RTF2: variants seen among roughly 807,000 people sequenced by gnomAD.
RTF2 encodes the protein UPF0549 protein C20orf43.
A neutral mutation model predicts 38.0 loss-of-function variants in RTF2; 18 were observed. The observed-to-expected ratio is 0.47, with a 90% CI of 0.33 to 0.70. The LOEUF (loss-of-function observed/expected upper bound fraction) is 0.70, where lower values mean the gene tolerates loss of function less well. Among genes scored for constraint, RTF2 ranks in the 30% least tolerant of loss-of-function variants. The pLI is 0.02. For missense variants in RTF2, 311 were observed against 379.6 expected (o/e 0.82, Z 1.50); for synonymous variants, 126 against 137.1 (o/e 0.92, Z 0.57).
intron 1 of RTF2, among the ~76,000 whole-genome samples, chr20:56,470,448 C>T (rs116704310): frequency 0.015 from 2,309 of 152,166 alleles, 72 homozygotes; most frequent in African/African-American, 0.053. Context: ...TGTTGTAGGC[C>T]CCAGGGATAT....
At chr20:56,474,903 T>C in intron 3 of RTF2, 132 bp downstream of exon 3, 1 of 549,080 alleles carries the variant, frequency 1.8e-6, no homozygotes, top group East Asian at 2.9e-5. Context: ...CTAATACAGG[T>C]ATGATCTTGA....
intron 5 of RTF2, among the ~76,000 whole-genome samples, chr20:56,491,239 G>A (rs1031320937): frequency 1.2e-4 from 18 of 152,168 alleles, no homozygotes; most frequent in Non-Finnish European, 2.4e-4. Flanking sequence ...AGGCTGTGTC[G>A]TTCTTATTCC....
In RTF2 at chr20:56,490,758, G is replaced by A. The variant is rs182552832; in HGVS notation, c.477+6569G>A. On this transcript the variant is annotated intron_variant, in intron 5 of 8. Coordinates refer to ENST00000357348, the MANE Select transcript of RTF2 (RefSeq NM_016407.5). ...CTTGAACCTGGGAGGCAGAGATTGCGGTGAGCCGAGATCGTGCCATTGCAC... is the reference window on the plus strand; with the variant it reads ...CTTGAACCTGGGAGGCAGAGATTGCAGTGAGCCGAGATCGTGCCATTGCAC... 2.9e-3 allele frequency among the ~76,000 whole-genome samples: 439 copies of A among 152,310 alleles called. 3 individuals carry two copies. Among genetic ancestry groups the A allele is most frequent in the Non-Finnish European group, 5.5e-3 (373 of 68,016 alleles).
At chr20:56,497,238 A>C in intron 5 of RTF2, 1 of 1,551,952 alleles carries the variant, frequency 6.4e-7, no homozygotes, top group South Asian at 1.2e-5. Flanking sequence ...AAGCTGCACA[A>C]ACATGGCCAG....
intron 3 of RTF2, 31 bp downstream of exon 3, chr20:56,474,802 G>T: frequency 7.3e-7 from 1 of 1,362,076 alleles, no homozygotes; most frequent in Non-Finnish European, 1.0e-6. Flanking sequence ...GTGCTGTGAG[G>T]GTCTGAACAG....
intron 5 of RTF2, among the ~76,000 whole-genome samples, chr20:56,508,129 C>T (rs1984402209): frequency 6.6e-6 from 1 of 152,124 alleles, no homozygotes; most frequent in African/African-American, 2.4e-5. Context: ...CGAAAATTTA[C>T]CAGACCCACC....
intron 6 of RTF2, 51 bp from the exon 7 acceptor site, chr20:56,516,884 G>A (rs1985075933): frequency 6.4e-7 from 1 of 1,565,132 alleles, no homozygotes; most frequent in East Asian, 2.2e-5. Context: ...CACTGACGCT[G>A]AAGTGGAGTG....
At chr20:56,512,549 G>A (rs1331965475) in intron 5 of RTF2, among the ~76,000 whole-genome samples, 1 of 152,164 alleles carries the variant, frequency 6.6e-6, no homozygotes, top group African/African-American at 2.4e-5. Context: ...GTATGTGTGC[G>A]TTTCTACCAC....
intron 5 of RTF2, among the ~76,000 whole-genome samples, chr20:56,500,050 T>G (rs1209559605): frequency 1.3e-5 from 2 of 151,850 alleles, no homozygotes; most frequent in African/African-American, 4.8e-5. Context: ...TTTGTTTTTT[T>G]GGTTTTCTGT....
At chr20:56,474,581 A>G in intron 2 of RTF2, 97 bp from the exon 3 acceptor site, 1 of 695,776 alleles carries the variant, frequency 1.4e-6, no homozygotes, top group Non-Finnish European at 2.3e-6. Context: ...CTCTTATCAA[A>G]TGTAAACGAC....
At chr20:56,471,173 C>T (rs1387450221) in intron 1 of RTF2, among the ~76,000 whole-genome samples, 1 of 152,186 alleles carries the variant, frequency 6.6e-6, no homozygotes, top group Non-Finnish European at 1.5e-5. Flanking sequence ...AATTGTAAGA[C>T]ACCTGGCTGC....
At chr20:56,494,128 A>G (rs928189571) in intron 5 of RTF2, among the ~76,000 whole-genome samples, 10 of 152,152 alleles carry the variant, frequency 6.6e-5, no homozygotes, top group African/African-American at 2.4e-4. Context: ...CCACCTCCCT[A>G]CACACCAGGG....
At chr20:56,493,738 A>T (rs755758729) in intron 5 of RTF2, among the ~76,000 whole-genome samples, 13 of 152,052 alleles carry the variant, frequency 8.5e-5, no homozygotes, top group Non-Finnish European at 1.8e-4. Context: ...ACTCAGCTAC[A>T]CCTTGATTAT....
intron 5 of RTF2, among the ~76,000 whole-genome samples, chr20:56,492,324 C>T (rs1222036530): frequency 6.6e-6 from 1 of 151,390 alleles, no homozygotes; most frequent in Non-Finnish European, 1.5e-5. Flanking sequence ...GTGATCTTCC[C>T]ACCTCGGCCT....
At chr20:56,508,477 C>G (rs931998747) in intron 5 of RTF2, among the ~76,000 whole-genome samples, 1 of 152,066 alleles carries the variant, frequency 6.6e-6, no homozygotes, top group Non-Finnish European at 1.5e-5. Context: ...AAGGCAGTGT[C>G]TTATGGAGTA....
rs373822495 is a variant in RTF2, at chr20:56,496,861, C to T, written c.477+12672C>T. 1,018 of 1,551,680 alleles carry T rather than the reference C, an allele frequency of 6.6e-4. 17 individuals are homozygous for T. In the South Asian group the frequency reaches 0.011, roughly 17 times the overall value. On this transcript the variant is annotated intron_variant, in intron 5 of 8. Transcript: ENST00000357348. ...TAGATACTTCCTTTAGGAACGAATT[C>T]GAGATGACTTTGACTTGTCTTGGAT...
At chr20:56,472,300 A>G (rs1370032871) in intron 1 of RTF2, 3 of 1,247,006 alleles carry the variant, frequency 2.4e-6, no homozygotes, top group Non-Finnish European at 2.3e-6. Flanking sequence ...TTTCTTCCAA[A>G]TGTGCTGTCC....
intron 4 of RTF2, among the ~76,000 whole-genome samples, chr20:56,480,969 G>C (rs1051392239): frequency 2.6e-5 from 4 of 152,206 alleles, no homozygotes; most frequent in African/African-American, 7.2e-5. Flanking sequence ...ATGTGACACA[G>C]AGACATGACG....
At chr20:56,478,192 A>G (rs966420119) in intron 4 of RTF2, among the ~76,000 whole-genome samples, 2 of 152,240 alleles carry the variant, frequency 1.3e-5, no homozygotes, top group African/African-American at 4.8e-5. Flanking sequence ...CTTAGTACAT[A>G]TAAAAGTTGC....
Sources: allele counts gnomAD v4.1 joint callset (sites outside exome capture counted in the v4.1 genomes callset), GRCh38; gene constraint gnomAD v4.1.1; transcripts MANE v1.5; gene names NCBI Gene and HGNC (gene_info 2026-07-23, HGNC 2026-07-21).